Variants in SIL1 observed in about 807,000 individuals in gnomAD.
SIL1 encodes SIL1 nucleotide exchange factor.
A neutral mutation model predicts 49.1 loss-of-function variants in SIL1; 40 were observed. The ratio of observed to expected loss-of-function variants is 0.81; its 90% confidence interval spans 0.63 to 1.06. The LOEUF (loss-of-function observed/expected upper bound fraction) is 1.06. SIL1 is among the 50% of genes least tolerant of loss of function. The probability of loss-of-function intolerance (pLI) is 0.00; values close to 1 mark genes in which losing one functional copy is unlikely to be tolerated. For missense variants in SIL1, 500 were observed against 572.6 expected, an observed-to-expected ratio of 0.87 and a Z score of 1.29; for synonymous variants, 253 against 250.8, an observed-to-expected ratio of 1.01 and a Z score of -0.08.
At chr5:139,120,895 G>T in intron 3 of SIL1, 140 bp downstream of exon 3, 1 of 1,040,608 alleles carries the variant, frequency 9.6e-7, no homozygotes, top group Non-Finnish European at 1.4e-6. Context: ...TGCAGCAGCA[G>T]CTACCACTCT....
At chr5:138,960,169 T>C (rs1406861944) in intron 7 of SIL1, among the ~76,000 whole-genome samples, 1 of 152,208 alleles carries the variant, frequency 6.6e-6, no homozygotes, top group African/African-American at 2.4e-5. Context: ...CCCTTCCTCC[T>C]AGCCTGTCAC....
At chr5:139,187,765 G>T (rs1424709347) in intron 1 of SIL1, 1 of 152,192 alleles carries the variant, frequency 6.6e-6, no homozygotes, top group Non-Finnish European at 1.5e-5. Context: ...GCCATTGAAG[G>T]CTTCTGATAT....
intron 2 of SIL1, among the ~76,000 whole-genome samples, chr5:139,122,550 G>A (rs1019212475): frequency 1.3e-5 from 2 of 151,524 alleles, no homozygotes; most frequent in African/African-American, 2.4e-5. Flanking sequence ...ACCTGAGATG[G>A]CACCACCACA....
intron 7 of SIL1, among the ~76,000 whole-genome samples, chr5:139,008,344 TTCTC>T (rs1473107031): frequency 2.1e-4 from 31 of 144,812 alleles, no homozygotes; most frequent in South Asian, 4.5e-4. Flanking sequence ...TATTTGATTC[TTCTC>T]TCTTTTTTTC....
chr5:139,036,595 A>C (rs1429321136), intron 5 of SIL1, among the ~76,000 whole-genome samples: 2 of 152,216 alleles, frequency 1.3e-5, no homozygotes, highest in Non-Finnish European at 2.9e-5. Flanking sequence ...CTAATGCAGG[A>C]ACAGAAAACC....
chr5:138,974,438 C>T (rs1767351190), intron 7 of SIL1, among the ~76,000 whole-genome samples: 1 of 152,216 alleles, frequency 6.6e-6, no homozygotes, highest in Non-Finnish European at 1.5e-5. Context: ...GAGATGACCT[C>T]ACGGCCTTTA....
chr5:139,078,888 T>C (rs573967246), intron 3 of SIL1, among the ~76,000 whole-genome samples: 2 of 152,380 alleles, frequency 1.3e-5, no homozygotes, highest in South Asian at 4.1e-4. Flanking sequence ...CCATTCACTT[T>C]CTAGACCAGC....
At chr5:139,045,326 C>T (rs560045957) in intron 4 of SIL1, among the ~76,000 whole-genome samples, 38 of 152,094 alleles carry the variant, frequency 2.5e-4, no homozygotes, top group Admixed American at 1.0e-3. Context: ...CCAGTCTGGG[C>T]GACAAAGCAA....
chr5:138,994,753 A>G (rs11956993), intron 7 of SIL1, among the ~76,000 whole-genome samples: 7,001 of 152,272 alleles, frequency 0.046, 475 homozygotes, highest in African/African-American at 0.15. Context: ...AGTTTGTTAC[A>G]TGTAAACATG....
At chr5:139,047,894 G>A (rs1769200970) in intron 4 of SIL1, among the ~76,000 whole-genome samples, 1 of 152,236 alleles carries the variant, frequency 6.6e-6, no homozygotes, top group South Asian at 2.1e-4. Flanking sequence ...CTCTCCAAAG[G>A]AGGAAAGTAA....
intron 4 of SIL1, among the ~76,000 whole-genome samples, chr5:139,046,034 A>G (rs937268604): frequency 3.3e-5 from 5 of 152,170 alleles, no homozygotes; most frequent in African/African-American, 1.2e-4. Flanking sequence ...CCTGCCTAAA[A>G]TCTTCCAATG....
chr5:139,087,053 G>A (rs776737442), intron 3 of SIL1, among the ~76,000 whole-genome samples: 11 of 151,824 alleles, frequency 7.2e-5, no homozygotes, highest in Admixed American at 6.6e-4. Context: ...GGCTGGACTC[G>A]AACTCCTGGA....
At chr5:139,136,473 C>T (rs1199806466) in intron 1 of SIL1, among the ~76,000 whole-genome samples, 1 of 152,162 alleles carries the variant, frequency 6.6e-6, no homozygotes, top group Admixed American at 6.5e-5. Context: ...GGACAGCGGA[C>T]CAAGCATAGT....
At chr5:139,028,382 C>T (rs1307359745) in intron 5 of SIL1, among the ~76,000 whole-genome samples, 1 of 152,054 alleles carries the variant, frequency 6.6e-6, no homozygotes, top group African/African-American at 2.4e-5. Flanking sequence ...CCTGTAGTCC[C>T]AGCTACTCGG....
chr5:139,010,709 G>A (rs1301111710), intron 7 of SIL1, among the ~76,000 whole-genome samples: 1 of 151,144 alleles, frequency 6.6e-6, no homozygotes, highest in Non-Finnish European at 1.5e-5. Flanking sequence ...CAGGTCTGTT[G>A]GAATACCCTG....
chr5:139,159,934 C>T (rs1751477150), intron 1 of SIL1, among the ~76,000 whole-genome samples: 1 of 152,014 alleles, frequency 6.6e-6, no homozygotes, highest in African/African-American at 2.4e-5. Flanking sequence ...AACAAAAACC[C>T]TCAACCTAAA....
At chr5:139,086,270 T>TAAA (rs756341363) in intron 3 of SIL1, among the ~76,000 whole-genome samples, 1 of 96,628 alleles carries the variant, frequency 1.0e-5, no homozygotes. Context: ...GAGACCGTCT[T>TAAA]AAAAAAAAAA....
At chr5:139,076,730 G>T (rs1231260098) in intron 3 of SIL1, among the ~76,000 whole-genome samples, 1 of 152,166 alleles carries the variant, frequency 6.6e-6, no homozygotes, top group Admixed American at 6.5e-5. Flanking sequence ...CAGTACAGTG[G>T]ACTAAGAAAC....
At chr5:139,128,120 T>C in intron 1 of SIL1, 2 of 453,826 alleles carry the variant, frequency 4.4e-6, no homozygotes, top group East Asian at 5.5e-5. Flanking sequence ...CCTTCCTTCT[T>C]CATTAGAACT....
Sources: gnomAD v4.1 joint callset for allele counts (sites outside exome capture counted in the v4.1 genomes callset) on GRCh38, gnomAD v4.1.1 for gene constraint, MANE v1.5 for transcripts, NCBI Gene and HGNC (gene_info 2026-07-23, HGNC 2026-07-21) for gene names.